Variants in TRDN observed in about 807,000 individuals in gnomAD.
TRDN encodes the protein triadin in skeletal muscle.
In TRDN, 161 loss-of-function variants were observed where a neutral mutation model predicts 149.7. That is an observed-to-expected ratio of 1.08 (90% CI 0.95 to 1.23). TRDN has a LOEUF of 1.23. Among genes scored for constraint, TRDN ranks in the 50% most tolerant of loss-of-function variants. The pLI, the probability that TRDN is intolerant of heterozygous loss-of-function variation, is 0.00. For synonymous variants in TRDN, 294 were observed against 250.5 expected, an observed-to-expected ratio of 1.17 and a Z score of -1.64; for missense variants, 896 against 823.5, an observed-to-expected ratio of 1.09 and a Z score of -1.08.
rs577596134 is a variant in TRDN, at chr6:123,594,629, T to C, written c.23-23497A>G. ...AATGTTACCAAACAGAATGAAATTC[T>C]GGTTATGTTTGTTAAATGATTCTAC... On this transcript the variant is annotated intron_variant, in intron 1 of 40. Coordinates refer to ENST00000334268, the MANE Select transcript of TRDN (RefSeq NM_006073.4). Among the ~76,000 whole-genome samples the C allele has an allele frequency of 8.9e-3, 222 of 24,916 alleles. 4 individuals are homozygous for C. The Admixed American group carries it at 0.11, about 12-fold the overall frequency. 16.3% of individuals were successfully genotyped at this position (24,916 alleles called of 152,430 possible).
chr6:123,260,260 T>A, intron 34 of TRDN, among the ~76,000 whole-genome samples: 1 of 152,120 alleles, frequency 6.6e-6, no homozygotes, highest in East Asian at 1.9e-4. Flanking sequence ...AGTAAACTAA[T>A]GAATTAAAGC....
chr6:123,288,227 T>C (rs941953807), intron 24 of TRDN, among the ~76,000 whole-genome samples: 1 of 151,986 alleles, frequency 6.6e-6, no homozygotes, highest in Non-Finnish European at 1.5e-5. Flanking sequence ...TCACAGTGTA[T>C]ACATAAAATC....
At chr6:123,269,614 T>C (rs1327408290) in intron 31 of TRDN, among the ~76,000 whole-genome samples, 6 of 151,978 alleles carry the variant, frequency 3.9e-5, no homozygotes, top group South Asian at 2.1e-4. Flanking sequence ...AATTAATCAT[T>C]AATTATTAAT....
chr6:123,296,496 G>A (rs1267403706), intron 24 of TRDN, among the ~76,000 whole-genome samples: 4 of 151,900 alleles, frequency 2.6e-5, no homozygotes, highest in Non-Finnish European at 5.9e-5. Context: ...ATTATGATTC[G>A]GAGACATGTT....
intron 1 of TRDN, among the ~76,000 whole-genome samples, chr6:123,574,226 T>G (rs572263356): frequency 6.6e-6 from 1 of 152,042 alleles, no homozygotes; most frequent in South Asian, 2.1e-4. Flanking sequence ...AAATTAACAA[T>G]AGTGACAACA....
At chr6:123,460,976 A>G (rs1405619315) in intron 10 of TRDN, among the ~76,000 whole-genome samples, 2 of 152,080 alleles carry the variant, frequency 1.3e-5, no homozygotes, top group African/African-American at 2.4e-5. Flanking sequence ...ATAATGCTTC[A>G]TAGTATTATC....
chr6:123,413,584 A>G (rs1773529634), intron 12 of TRDN, among the ~76,000 whole-genome samples: 1 of 152,200 alleles, frequency 6.6e-6, no homozygotes, highest in Admixed American at 6.5e-5. Flanking sequence ...GCCTGATAAA[A>G]GTGAATTCTC....
intron 8 of TRDN, 94 bp from the exon 9 acceptor site, chr6:123,497,346 A>C (rs1463896769): frequency 4.9e-6 from 4 of 820,550 alleles, no homozygotes; most frequent in Non-Finnish European, 3.6e-6. Context: ...ACAAAATAGC[A>C]CAATTCTATT....
Position 123,221,491 on chromosome 6 carries a change from C to A in TRDN, c.2046G>T (p.Gln682His). ...EGTEDVSPTK[Q>H]KSPISFFQCV... ...TTAATCTCATTATAAACTTACTTTT[C>A]TGCTTTGTGGGAGACACATCTTCAG... The change falls in exon 40 of 41, where the codon CAG becomes CAT. Residue 682 changes from glutamine (Q) to histidine (H), a missense_variant. Physicochemically the swap from Gln to His is conservative, Grantham distance 24. Transcript: ENST00000334268. The A allele has an allele frequency of 6.4e-7, 1 of 1,564,174 alleles. No individual in the cohort carries two copies. Among genetic ancestry groups the A allele is most frequent in the Admixed American group, 1.7e-5 (1 of 58,362 alleles).
intron 4 of TRDN, among the ~76,000 whole-genome samples, chr6:123,533,383 G>C (rs1323674022): frequency 6.6e-6 from 1 of 152,050 alleles, no homozygotes; most frequent in Non-Finnish European, 1.5e-5. Context: ...CTCTTCCATA[G>C]AATCCAGTGC....
chr6:123,295,430 A>C (rs931847704), intron 24 of TRDN, among the ~76,000 whole-genome samples: 11 of 152,170 alleles, frequency 7.2e-5, no homozygotes, highest in Admixed American at 5.9e-4. Context: ...CTTGCCCTTG[A>C]ATTCTTTCCT....
chr6:123,328,216 C>T (rs1317232595), intron 23 of TRDN, among the ~76,000 whole-genome samples: 1 of 152,174 alleles, frequency 6.6e-6, no homozygotes, highest in East Asian at 1.9e-4. Context: ...CTAAATCTTC[C>T]CTGGTGGCAA....
At chr6:123,435,409 A>G (rs2114584447) in intron 12 of TRDN, among the ~76,000 whole-genome samples, 1 of 152,146 alleles carries the variant, frequency 6.6e-6, no homozygotes, top group East Asian at 1.9e-4. Context: ...TGTAAACCAT[A>G]TTGCTGTCAC....
chr6:123,515,990 C>T (rs1779393192), intron 6 of TRDN, 151 bp downstream of exon 6: 1 of 873,474 alleles, frequency 1.1e-6, no homozygotes, highest in Admixed American at 4.6e-5. Flanking sequence ...TTCTCTCAAT[C>T]CAGAAATTCC....
At chr6:123,438,228 A>G (rs893708788) in intron 11 of TRDN, 106 bp from the exon 12 acceptor site, 1 of 782,882 alleles carries the variant, frequency 1.3e-6, no homozygotes, top group Non-Finnish European at 2.0e-6. Context: ...TGTATAGAGA[A>G]ATCTTAAATC....
intron 3 of TRDN, among the ~76,000 whole-genome samples, chr6:123,548,159 A>G (rs955255380): frequency 1.3e-5 from 2 of 152,004 alleles, no homozygotes; most frequent in Non-Finnish European, 2.9e-5. Flanking sequence ...GTGAGTTTGT[A>G]TTGTGGTTTT....
At chr6:123,464,497 A>G in intron 10 of TRDN, 1 of 996,020 alleles carries the variant, frequency 1.0e-6, no homozygotes, top group Non-Finnish European at 1.2e-6. Flanking sequence ...AATTTAAATA[A>G]CTTTCCAAAT....
At chr6:123,409,014 C>A (rs1284076514) in intron 12 of TRDN, among the ~76,000 whole-genome samples, 1 of 152,100 alleles carries the variant, frequency 6.6e-6, no homozygotes, top group East Asian at 1.9e-4. Context: ...GTAGAGAAAC[C>A]AATCTAAGTT....
chr6:123,353,263 G>A (rs1780535667), intron 20 of TRDN, among the ~76,000 whole-genome samples: 1 of 151,840 alleles, frequency 6.6e-6, no homozygotes. Flanking sequence ...AAAGATTGAT[G>A]AGGAACTGAT....
Sources: gnomAD v4.1 joint callset for allele counts (sites outside exome capture counted in the v4.1 genomes callset) on GRCh38, gnomAD v4.1.1 for gene constraint, MANE v1.5 for transcripts, NCBI Gene and HGNC (gene_info 2026-07-23, HGNC 2026-07-21) for gene names.